LDLRAD3: variants seen among roughly 807,000 people sequenced by gnomAD.
The protein encoded by LDLRAD3 is low-density lipoprotein receptor class A domain-containing protein 3.
Under a neutral mutation model 29.4 loss-of-function variants are expected in LDLRAD3, and 20 were observed. That is an observed-to-expected ratio of 0.68 (90% confidence interval 0.48 to 0.99). The LOEUF (loss-of-function observed/expected upper bound fraction) is 0.99, where lower values mean the gene tolerates loss of function less well. Among genes scored for constraint, LDLRAD3 ranks in the 50% least tolerant of loss-of-function variants. LDLRAD3 has a pLI of 0.00. For synonymous variants in LDLRAD3, 157 were observed against 192.7 expected (o/e 0.81, Z 1.53); for missense variants, 420 against 454.3 (o/e 0.92, Z 0.69).
At chr11:36,104,038 C>T (rs1409946320) in intron 4 of LDLRAD3, among the ~76,000 whole-genome samples, 1 of 152,164 alleles carries the variant, frequency 6.6e-6, no homozygotes, top group Non-Finnish European at 1.5e-5. Context: ...AAAGAAAATG[C>T]AGCAAAAGTG....
chr11:36,175,462 C>T (rs751170664), intron 4 of LDLRAD3, among the ~76,000 whole-genome samples: 74 of 152,104 alleles, frequency 4.9e-4, no homozygotes, highest in Non-Finnish European at 8.1e-4. Flanking sequence ...ATGAACTTTC[C>T]TCTTAGCACT....
At chr11:35,957,738 T>A (rs966699135) in intron 1 of LDLRAD3, among the ~76,000 whole-genome samples, 1 of 141,960 alleles carries the variant, frequency 7.0e-6, no homozygotes, top group East Asian at 2.0e-4. Context: ...GGAGGTTGCA[T>A]GGAGCTGAGA....
chr11:35,955,011 G>A (rs1022578103), intron 1 of LDLRAD3, among the ~76,000 whole-genome samples: 17 of 152,204 alleles, frequency 1.1e-4, no homozygotes, highest in African/African-American at 3.1e-4. Flanking sequence ...TTGGGAGGCC[G>A]AGGCGGGCAG....
chr11:36,215,147 C>G (rs1855334733), intron 4 of LDLRAD3, among the ~76,000 whole-genome samples: 1 of 152,088 alleles, frequency 6.6e-6, no homozygotes, highest in Non-Finnish European at 1.5e-5. Context: ...GGCAAGGGCC[C>G]TGTAGCAGGT....
intron 4 of LDLRAD3, chr11:36,196,230 T>C (rs1344423310): frequency 6.6e-6 from 1 of 152,220 alleles, no homozygotes; most frequent in Non-Finnish European, 1.5e-5. Flanking sequence ...TGTGTTCTTT[T>C]CTTACTCTAA....
At chr11:36,196,234 A>G (rs1855030627) in intron 4 of LDLRAD3, 1 of 152,110 alleles carries the variant, frequency 6.6e-6, no homozygotes. Flanking sequence ...TTCTTTTCTT[A>G]CTCTAAGACA....
intron 2 of LDLRAD3, among the ~76,000 whole-genome samples, chr11:36,069,637 C>CTTT (rs59493684): frequency 6.9e-6 from 1 of 144,828 alleles, no homozygotes; most frequent in African/African-American, 2.5e-5. Flanking sequence ...AGAAATAGGG[C>CTTT]TTTTTTTTTT....
At chr11:36,057,924 G>A (rs1156464381) in intron 2 of LDLRAD3, among the ~76,000 whole-genome samples, 2 of 152,200 alleles carry the variant, frequency 1.3e-5, no homozygotes, top group African/African-American at 2.4e-5. Flanking sequence ...TCTTGTGCAA[G>A]TCACTGAGTT....
At position 36,139,488 on chromosome 11, in the gene LDLRAD3, A is replaced by G. The variant is rs150896167; in HGVS notation, c.454+41027A>G. On this transcript the variant is annotated intron_variant, in intron 4 of 5. Coordinates refer to ENST00000315571, the MANE Select transcript of LDLRAD3 (RefSeq NM_174902.4). ...GTTTGCTGTATTGATTTTTAACAAG[A>G]GCCTCCTGGCTTGCTGTTGGTTGCC... 4.7e-4 allele frequency among the ~76,000 whole-genome samples: 71 copies of G among 152,316 alleles called. 1 individual carries two copies. The East Asian group carries it at 0.013, about 28-fold the overall frequency.
chr11:36,184,280 A>G (rs938532105), intron 4 of LDLRAD3, among the ~76,000 whole-genome samples: 58 of 152,038 alleles, frequency 3.8e-4, no homozygotes, highest in African/African-American at 1.3e-3. Flanking sequence ...TCATTTTTTA[A>G]TAGTTTACTC....
At chr11:36,169,763 G>A (rs1854568126) in intron 4 of LDLRAD3, among the ~76,000 whole-genome samples, 1 of 152,216 alleles carries the variant, frequency 6.6e-6, no homozygotes, top group Non-Finnish European at 1.5e-5. Flanking sequence ...GCATGGGAGT[G>A]CAGGCATCTT....
At chr11:36,173,977 C>A (rs189840844) in intron 4 of LDLRAD3, among the ~76,000 whole-genome samples, 11 of 152,304 alleles carry the variant, frequency 7.2e-5, no homozygotes, top group African/African-American at 2.6e-4. Context: ...TACAAGGCTA[C>A]AGTAACCAAA....
chr11:35,971,958 A>G (rs1851417909), intron 1 of LDLRAD3, among the ~76,000 whole-genome samples: 1 of 152,148 alleles, frequency 6.6e-6, no homozygotes, highest in African/African-American at 2.4e-5. Context: ...GGCTCCATTC[A>G]CTGGTTTATG....
chr11:36,065,584 C>T (rs949187978), intron 2 of LDLRAD3, among the ~76,000 whole-genome samples: 4 of 152,204 alleles, frequency 2.6e-5, no homozygotes, highest in African/African-American at 9.7e-5. Context: ...GGTGCACTAA[C>T]GTACTATTTT....
intron 1 of LDLRAD3, among the ~76,000 whole-genome samples, chr11:35,954,099 T>G (rs1443386085): frequency 6.6e-6 from 1 of 152,180 alleles, no homozygotes; most frequent in Non-Finnish European, 1.5e-5. Context: ...GGTGACATAA[T>G]AAAGGTTTAG....
chr11:36,032,344 A>G (rs143273030), intron 1 of LDLRAD3, among the ~76,000 whole-genome samples: 136 of 152,292 alleles, frequency 8.9e-4, no homozygotes, highest in Admixed American at 3.1e-3. Context: ...TTCGAAATGA[A>G]TATCTAGAAG....
At chr11:35,946,398 A>G (rs1163168133) in intron 1 of LDLRAD3, among the ~76,000 whole-genome samples, 3 of 152,248 alleles carry the variant, frequency 2.0e-5, no homozygotes, top group Non-Finnish European at 4.4e-5. Flanking sequence ...AAAGCCACTG[A>G]CATTCCAAGA....
chr11:36,028,255 G>T (rs984169158), intron 1 of LDLRAD3, among the ~76,000 whole-genome samples: 1 of 152,238 alleles, frequency 6.6e-6, no homozygotes, highest in Admixed American at 6.5e-5. Context: ...TCTGTTGCCT[G>T]TTCATGCAGT....
intron 2 of LDLRAD3, among the ~76,000 whole-genome samples, chr11:36,061,451 C>T (rs182138549): frequency 6.6e-6 from 1 of 152,178 alleles, no homozygotes; most frequent in Admixed American, 6.5e-5. Context: ...AAGCATGAAG[C>T]AATCTTGTGC....
Sources: allele counts gnomAD v4.1 joint callset (sites outside exome capture counted in the v4.1 genomes callset), GRCh38; gene constraint gnomAD v4.1.1; transcripts MANE v1.5; gene names NCBI Gene and HGNC (gene_info 2026-07-23, HGNC 2026-07-21).